Variants in SYT16 observed in about 807,000 individuals in gnomAD.
SYT16 encodes synaptotagmin-16.
A neutral mutation model predicts 61.4 loss-of-function variants in SYT16; 42 were observed. The observed-to-expected ratio is 0.68, with a 90% confidence interval of 0.53 to 0.89. The LOEUF is 0.89. Ranked by LOEUF, SYT16 falls within the 40% of genes least tolerant of loss-of-function variation. SYT16 has a pLI of 0.00. For synonymous variants in SYT16, 314 were observed against 302.3 expected, an observed-to-expected ratio of 1.04 and a Z score of -0.40; for missense variants, 804 against 807.3, an observed-to-expected ratio of 1.00 and a Z score of 0.05.
At chr14:61,839,704 T>G (rs2046243765) in intron 1 of SYT16, among the ~76,000 whole-genome samples, 1 of 152,170 alleles carries the variant, frequency 6.6e-6, no homozygotes, top group Non-Finnish European at 1.5e-5. Context: ...ACATTTGACC[T>G]CATTTGAAAA....
chr14:61,961,180 A>G (rs2140501206), intron 1 of SYT16, among the ~76,000 whole-genome samples: 1 of 152,324 alleles, frequency 6.6e-6, no homozygotes, highest in East Asian at 1.9e-4. Context: ...AAGGTAACCT[A>G]GGAAATACCA....
chr14:62,032,530 A>G (rs558428185), intron 3 of SYT16, among the ~76,000 whole-genome samples: 2 of 152,198 alleles, frequency 1.3e-5, no homozygotes, highest in Admixed American at 1.3e-4. Flanking sequence ...TCTTACTTGA[A>G]TTTATGAATA....
intron 7 of SYT16, among the ~76,000 whole-genome samples, chr14:62,085,206 G>C (rs1222007944): frequency 2.0e-5 from 3 of 152,168 alleles, no homozygotes; most frequent in Non-Finnish European, 4.4e-5. Flanking sequence ...TAAAAAGTTA[G>C]CTTACCTTTT....
chr14:61,824,048 A>T (rs2045697612), intron 1 of SYT16, among the ~76,000 whole-genome samples: 1 of 152,186 alleles, frequency 6.6e-6, no homozygotes, highest in Non-Finnish European at 1.5e-5. Context: ...TTATTGGAGA[A>T]AATTGGTCTA....
At chr14:61,862,696 T>G (rs946666063) in intron 1 of SYT16, among the ~76,000 whole-genome samples, 3 of 152,232 alleles carry the variant, frequency 2.0e-5, no homozygotes, top group Non-Finnish European at 2.9e-5. Flanking sequence ...TGGACAAATG[T>G]ATAGTGACAT....
rs2057425284 is a variant in SYT16, at chr14:62,101,819, T to A, written c.*1112T>A. ...GAAGTGCCTATAACTGTCATTTTTT[T>A]ATGGCATTTGCAGCAACATATATTA... On this transcript the variant is annotated 3_prime_UTR_variant, in exon 8 of 8. Coordinates refer to ENST00000683842, the MANE Select transcript of SYT16 (RefSeq NM_001367656.1). 2 of 152,246 alleles carry A rather than the reference T, an allele frequency of 1.3e-5. No homozygotes were observed. Among genetic ancestry groups the A allele is most frequent in the Admixed American group, 6.5e-5 (1 of 15,288 alleles). The allele number at this position is 152,246 out of a possible 1,614,324, so 9.4% of individuals were successfully genotyped here.
chr14:61,951,280 A>T (rs1354422346), intron 1 of SYT16, among the ~76,000 whole-genome samples: 4 of 151,996 alleles, frequency 2.6e-5, no homozygotes, highest in Non-Finnish European at 5.9e-5. Context: ...CCCATGTACT[A>T]CTTAGGCAAG....
At chr14:61,848,691 C>A (rs1477420811) in intron 1 of SYT16, among the ~76,000 whole-genome samples, 2 of 152,156 alleles carry the variant, frequency 1.3e-5, no homozygotes, top group African/African-American at 2.4e-5. Context: ...ATGGGAAGGT[C>A]CAGACATGTT....
Position 62,110,016 on chromosome 14 carries a change from C to T in SYT16, c.*9309C>T, listed in dbSNP as rs1180041323. On this transcript the variant is annotated 3_prime_UTR_variant, in exon 8 of 8. Transcript: ENST00000683842. ...GTTGGAAAGAAAACACTGATAGTCA[C>T]TCTGGGTGAAGGGGGAGGCCTGGCC... The T allele has an allele frequency of 6.6e-6, 1 of 152,152 alleles. No homozygotes were observed. Among genetic ancestry groups the T allele is most frequent in the Non-Finnish European group, 1.5e-5 (1 of 68,022 alleles). The allele number at this position is 152,152 out of a possible 1,614,324, so 9.4% of individuals were successfully genotyped here.
intron 1 of SYT16, among the ~76,000 whole-genome samples, chr14:61,922,101 G>T (rs1237968365): frequency 6.6e-6 from 1 of 152,188 alleles, no homozygotes; most frequent in Admixed American, 6.5e-5. Flanking sequence ...AAAGAGAAAA[G>T]AAATGCTTTA....
chr14:62,087,461 G>A (rs567591111), intron 7 of SYT16, among the ~76,000 whole-genome samples: 14 of 152,308 alleles, frequency 9.2e-5, no homozygotes, highest in African/African-American at 2.9e-4. Flanking sequence ...TACCTCTTCC[G>A]TGACCTCAAT....
In SYT16 at chr14:62,081,206, C is replaced by T; in HGVS notation, c.1366C>T (p.Leu456Phe). The T allele has an allele frequency of 6.2e-7, 1 of 1,613,978 alleles. No homozygotes were observed. The highest frequency in any genetic ancestry group is 1.1e-5 in the South Asian group (1 of 91,068). Residue 456 changes from leucine to phenylalanine, a missense_variant, in exon 6 of 8, where the codon CTC becomes TTC. By Grantham distance (22) the Leu-to-Phe change is conservative. Coordinates refer to ENST00000683842, the MANE Select transcript of SYT16 (RefSeq NM_001367656.1). ...AATGATGGGAGAGAAACTATTCTAT[C>T]TCAGCCACCTGCACCCAGAAGGGGA... The part of the protein sequence containing the change: ...ERMMGEKLFY[L>F]SHLHPEGEMK...
At chr14:62,049,001 G>T (rs2055137076) in intron 3 of SYT16, among the ~76,000 whole-genome samples, 1 of 152,184 alleles carries the variant, frequency 6.6e-6, no homozygotes, top group South Asian at 2.1e-4. Context: ...TCTGCTTGGT[G>T]CAGAGCTGAG....
intron 1 of SYT16, among the ~76,000 whole-genome samples, chr14:61,827,944 C>A (rs1594704073): frequency 6.6e-6 from 1 of 152,286 alleles, no homozygotes; most frequent in Admixed American, 6.5e-5. Context: ...CTCAGGACTT[C>A]AGAATGTGAC....
intron 3 of SYT16, among the ~76,000 whole-genome samples, chr14:62,006,576 T>G (rs2053235391): frequency 6.6e-6 from 1 of 152,170 alleles, no homozygotes; most frequent in Non-Finnish European, 1.5e-5. Context: ...ACTAAGGACC[T>G]GGTTGCCAAT....
chr14:62,057,667 C>A (rs1208288515), intron 3 of SYT16, among the ~76,000 whole-genome samples: 2 of 152,124 alleles, frequency 1.3e-5, no homozygotes, highest in African/African-American at 4.8e-5. Flanking sequence ...ACAGAAATGA[C>A]TTAATGCTGG....
chr14:61,894,210 G>A (rs774099240), intron 1 of SYT16, among the ~76,000 whole-genome samples: 8 of 152,044 alleles, frequency 5.3e-5, no homozygotes, highest in South Asian at 2.1e-4. Context: ...GCTTGAGCCC[G>A]GGAGGCTGAG....
rs546610089 is a variant in SYT16, at chr14:61,857,265, G to A, written c.-325+44455G>A. Among the ~76,000 whole-genome samples, 4 of 152,298 alleles carry A rather than the reference G, an allele frequency of 2.6e-5. No individual in the cohort carries two copies. In the South Asian group the frequency reaches 8.3e-4, roughly 32 times the overall value. On this transcript the variant is annotated intron_variant, in intron 1 of 7. Transcript: ENST00000683842. ...CCCCCTTGGTTGAGGGTTTTCTTGA[G>A]AGTGTTAACTCTTCTCTACTTCTGG...
chr14:61,961,403 A>C lies in SYT16; in HGVS notation c.-324-8729A>C, dbSNP rs140695783. 3.6e-4 allele frequency among the ~76,000 whole-genome samples: 55 copies of C among 152,252 alleles called. No individual in the cohort carries two copies. In the East Asian group the frequency reaches 9.5e-3, roughly 26 times the overall value. ...AGGTCTAATATTCAGAATCTATAAG[A>C]AACTTAAAAAAACTTACAAGCAAAA... On this transcript the variant is annotated intron_variant, in intron 1 of 7. Transcript: ENST00000683842.
Sources: allele counts gnomAD v4.1 joint callset (sites outside exome capture counted in the v4.1 genomes callset), GRCh38; gene constraint gnomAD v4.1.1; transcripts MANE v1.5; gene names NCBI Gene and HGNC (gene_info 2026-07-23, HGNC 2026-07-21).